The following COL28A1 variants were observed in gnomAD, a reference collection of about 807,000 sequenced individuals.
COL28A1 encodes collagen type XXVIII alpha 1 chain.
COL28A1 carries 161 observed loss-of-function variants against 150.2 expected under a neutral mutation model. The ratio of observed to expected loss-of-function variants is 1.07; its 90% confidence interval spans 0.94 to 1.22. The LOEUF (loss-of-function observed/expected upper bound fraction) is 1.22. Ranked by LOEUF, COL28A1 falls within the 50% of genes most tolerant of loss-of-function variation. COL28A1 has a pLI of 0.00. For missense variants in COL28A1, 1,617 were observed against 1,388.3 expected (o/e 1.16, Z -2.62); for synonymous variants, 552 against 469.7 (o/e 1.18, Z -2.26).
chr7:7,455,955 A>T, intron 16 of COL28A1, 89 bp downstream of exon 16: 5 of 1,553,268 alleles, frequency 3.2e-6, no homozygotes, highest in Non-Finnish European at 4.4e-6. Context: ...AAATATACTC[A>T]TAGATGTTTG....
At chr7:7,476,731 A>G (rs190997855) in intron 14 of COL28A1, among the ~76,000 whole-genome samples, 41 of 152,226 alleles carry the variant, frequency 2.7e-4, no homozygotes, top group African/African-American at 9.4e-4. Context: ...GTACTATTAC[A>G]GATTGGTTTC....
intron 33 of COL28A1, among the ~76,000 whole-genome samples, chr7:7,361,044 G>T (rs181705300): frequency 6.6e-5 from 10 of 152,198 alleles, no homozygotes; most frequent in African/African-American, 2.2e-4. Context: ...CAATAATACA[G>T]CTGAAATAAA....
the COL28A1 span, among the ~76,000 whole-genome samples, chr7:7,342,863 C>T: frequency 6.6e-6 from 1 of 151,728 alleles, no homozygotes; most frequent in African/African-American, 2.4e-5. Flanking sequence ...TCAGGTTTTC[C>T]ACTGGGAATC....
chr7:7,424,624 G>A (rs1784556380), intron 25 of COL28A1, among the ~76,000 whole-genome samples: 1 of 152,078 alleles, frequency 6.6e-6, no homozygotes, highest in Non-Finnish European at 1.5e-5. Context: ...GAACAGACGT[G>A]CGAGCAAATT....
upstream of COL28A1, among the ~76,000 whole-genome samples, chr7:7,536,418 T>C (rs186459836): frequency 4.6e-5 from 7 of 152,286 alleles, no homozygotes; most frequent in East Asian, 3.9e-4. Context: ...TCCCCACTTA[T>C]GAAATGAGAG....
the COL28A1 span, among the ~76,000 whole-genome samples, chr7:7,350,071 T>G: frequency 6.6e-6 from 1 of 152,086 alleles, no homozygotes; most frequent in Admixed American, 6.6e-5. Flanking sequence ...TGGAGGGCCC[T>G]TAACGCATTT....
At chr7:7,390,836 T>C (rs958932849) in intron 27 of COL28A1, among the ~76,000 whole-genome samples, 1 of 152,226 alleles carries the variant, frequency 6.6e-6, no homozygotes, top group South Asian at 2.1e-4. Context: ...TCAGCAGTGA[T>C]ATCCCCTTTA....
chr7:7,473,204 TCACAGCAAAAGG>T (rs904857949), intron 15 of COL28A1, among the ~76,000 whole-genome samples: 13 of 152,156 alleles, frequency 8.5e-5, no homozygotes, highest in Non-Finnish European at 1.6e-4. Flanking sequence ...AAAAGCTTTT[TCACAGCAAAAGG>T]CACAGCAAAA....
At chr7:7,496,823 T>C (rs540148785) in intron 11 of COL28A1, among the ~76,000 whole-genome samples, 1 of 152,354 alleles carries the variant, frequency 6.6e-6, no homozygotes, top group Non-Finnish European at 1.5e-5. Context: ...ATTTCCCAGA[T>C]ATGCATGGGA....
chr7:7,359,320 T>C (rs1780510974), intron 34 of COL28A1, among the ~76,000 whole-genome samples: 1 of 151,120 alleles, frequency 6.6e-6, no homozygotes, highest in Non-Finnish European at 1.5e-5. Flanking sequence ...TGAAGGACTG[T>C]CTTTATATTA....
chr7:7,374,648 G>A (rs1781450630), intron 31 of COL28A1, among the ~76,000 whole-genome samples: 1 of 152,094 alleles, frequency 6.6e-6, no homozygotes, highest in African/African-American at 2.4e-5. Flanking sequence ...ATATCTTCCT[G>A]TTGTTCAACA....
chr7:7,496,632 C>T (rs953492245), intron 11 of COL28A1, among the ~76,000 whole-genome samples: 1 of 152,160 alleles, frequency 6.6e-6, no homozygotes. Flanking sequence ...CTCCGTATCC[C>T]TGGCACTGAT....
At chr7:7,415,380 C>T (rs2128305943) in intron 27 of COL28A1, among the ~76,000 whole-genome samples, 1 of 152,334 alleles carries the variant, frequency 6.6e-6, no homozygotes, top group Admixed American at 6.5e-5. Flanking sequence ...TTTCAGTTCC[C>T]TCCCTTTTGC....
rs375182800 is a variant in COL28A1, at chr7:7,532,756, G to C, written c.120C>G (p.Val40=). The change falls in exon 2 of 35, where the codon GTC becomes GTG. Residue 40 remains valine, a synonymous_variant. Transcript: ENST00000399429. ...KSNLLARKSD[V]QGSICFIDIV... is the part of the protein sequence containing the mutation. ...AAACAATTTTTTTTTTTTTACCCTGGACATCACTTTTCCTTGCAAGCAAAT... is the reference window on the plus strand; with the variant it reads ...AAACAATTTTTTTTTTTTTACCCTGCACATCACTTTTCCTTGCAAGCAAAT... The C allele has an allele frequency of 1.9e-6, 3 of 1,601,250 alleles. No homozygotes were observed. Among genetic ancestry groups the C allele is most frequent in the East Asian group, 2.2e-5 (1 of 44,672 alleles).
the COL28A1 span, among the ~76,000 whole-genome samples, chr7:7,342,020 T>C: frequency 1.3e-5 from 2 of 152,156 alleles, no homozygotes; most frequent in Non-Finnish European, 2.9e-5. Flanking sequence ...TGTGTTATTC[T>C]TTCAGTTACA....
chr7:7,539,182 T>C (rs935180503), upstream of COL28A1, among the ~76,000 whole-genome samples: 7 of 152,168 alleles, frequency 4.6e-5, no homozygotes, highest in African/African-American at 1.7e-4. Context: ...GGCTGAGTAA[T>C]CTATAAAGAA....
upstream of COL28A1, among the ~76,000 whole-genome samples, chr7:7,540,053 ATTAT>A (rs201615449): frequency 0.13 from 19,913 of 152,204 alleles, 1,435 homozygotes; most frequent in East Asian, 0.22. Flanking sequence ...ACTAAATGCA[ATTAT>A]TTTAGACCAA....
At chr7:7,401,296 A>T (rs1783191475) in intron 27 of COL28A1, among the ~76,000 whole-genome samples, 1 of 150,886 alleles carries the variant, frequency 6.6e-6, no homozygotes, top group Admixed American at 6.6e-5. Flanking sequence ...GTATACTCTC[A>T]CTCTCCACAC....
Position 7,373,865 on chromosome 7 carries a change from A to G in COL28A1, c.2360-319T>C, listed in dbSNP as rs373257171. Among the ~76,000 whole-genome samples, 4 of 151,250 alleles carry G rather than the reference A, an allele frequency of 2.6e-5. No homozygotes were observed. Among genetic ancestry groups the G allele is most frequent in the Non-Finnish European group, 1.5e-5 (1 of 67,812 alleles). On this transcript the variant is annotated intron_variant, in intron 31 of 34. Coordinates refer to ENST00000399429, the MANE Select transcript of COL28A1 (RefSeq NM_001037763.3). The surrounding 1 kb of genome is among the most constrained non-coding windows in gnomAD (Gnocchi z 4.1). ...CAGGCGCCCGCCACCTCGCCTGGCTAATTTTTTGTATTTTTAGTAGAGACA... is the reference window on the plus strand; with the variant it reads ...CAGGCGCCCGCCACCTCGCCTGGCTGATTTTTTGTATTTTTAGTAGAGACA...
Sources: gnomAD v4.1 joint callset for allele counts (sites outside exome capture counted in the v4.1 genomes callset) on GRCh38, gnomAD v4.1.1 for gene constraint, Gnocchi (gnomAD v3.1) non-coding constraint, MANE v1.5 for transcripts, NCBI Gene and HGNC (gene_info 2026-07-23, HGNC 2026-07-21) for gene names.